The following ACACA variants were observed in gnomAD, a reference collection of about 807,000 sequenced individuals.
ACACA encodes the protein acetyl-CoA carboxylase alpha.
ACACA carries 103 observed loss-of-function variants against 296.1 expected under a neutral mutation model. The ratio of observed to expected loss-of-function variants is 0.35; its 90% CI spans 0.30 to 0.41. ACACA has a LOEUF of 0.41. ACACA is among the 10% of genes least tolerant of loss of function. The probability of loss-of-function intolerance (pLI) is 1.00; values close to 1 mark genes in which losing one functional copy is unlikely to be tolerated. For missense variants in ACACA, 1,554 were observed against 2,989.7 expected, an observed-to-expected ratio of 0.52 and a Z score of 11.20; for synonymous variants, 953 against 1,038.6, an observed-to-expected ratio of 0.92 and a Z score of 1.58.
intron 2 of ACACA, among the ~76,000 whole-genome samples, chr17:37,339,502 C>G (rs1029746048): frequency 6.6e-6 from 1 of 152,152 alleles, no homozygotes; most frequent in Non-Finnish European, 1.5e-5. Context: ...TTCCCAGGCA[C>G]GAGCCTACAA....
chr17:37,175,823 A>C (rs1302681166), intron 41 of ACACA, among the ~76,000 whole-genome samples: 1 of 152,176 alleles, frequency 6.6e-6, no homozygotes, highest in Non-Finnish European at 1.5e-5. Flanking sequence ...ACCTTTCATC[A>C]TGCATTAGGT....
chr17:37,361,267 G>A (rs1185593986), intron 1 of ACACA, among the ~76,000 whole-genome samples: 1 of 151,956 alleles, frequency 6.6e-6, no homozygotes, highest in Non-Finnish European at 1.5e-5. Context: ...TCGATCTCTT[G>A]ACCTCGTGAT....
intron 1 of ACACA, among the ~76,000 whole-genome samples, chr17:37,401,431 G>T (rs2051286310): frequency 6.6e-6 from 1 of 151,872 alleles, no homozygotes; most frequent in Admixed American, 6.6e-5. Flanking sequence ...GACCTCAGGT[G>T]ATCCACCCGC....
chr17:37,270,181 T>C (rs2082006280), intron 10 of ACACA, among the ~76,000 whole-genome samples: 1 of 152,190 alleles, frequency 6.6e-6, no homozygotes, highest in Non-Finnish European at 1.5e-5. Flanking sequence ...TGCCATAGGG[T>C]TCCTGTGCCA....
chr17:37,394,685 G>A (rs2051016760), intron 1 of ACACA, among the ~76,000 whole-genome samples: 1 of 149,320 alleles, frequency 6.7e-6, no homozygotes, highest in African/African-American at 2.5e-5. Flanking sequence ...GACCATCCTG[G>A]CTAACACGGC....
chr17:37,186,070 T>A (rs1307085292), intron 39 of ACACA, among the ~76,000 whole-genome samples: 1 of 152,216 alleles, frequency 6.6e-6, no homozygotes, highest in Non-Finnish European at 1.5e-5. Flanking sequence ...ATAAATGATG[T>A]GCTAGGGCAA....
In ACACA at chr17:37,391,910, C is replaced by T. The variant is rs528550128; in HGVS notation, c.38+14352G>A. On this transcript the variant is annotated intron_variant, in intron 1 of 55. Transcript: ENST00000616317. ...TACCCTCATGCCCCTATCTGAGCCACAACCTTCTGTAATTCACTTCATACA... is the reference window on the plus strand; with the variant it reads ...TACCCTCATGCCCCTATCTGAGCCATAACCTTCTGTAATTCACTTCATACA... 8.3e-6 allele frequency: 5 copies of T among 603,016 alleles called. No homozygotes were observed. The South Asian group carries it at 1.1e-4, about 13-fold the overall frequency. The allele number at this position is 603,016 out of a possible 1,614,324, so 37.4% of individuals were successfully genotyped here. A position where few individuals can be genotyped will look rare whatever the true frequency, so the allele number is the denominator to read the frequency against.
chr17:37,382,091 C>T (rs1179144468), intron 1 of ACACA, among the ~76,000 whole-genome samples: 2 of 151,924 alleles, frequency 1.3e-5, no homozygotes, highest in African/African-American at 4.8e-5. Flanking sequence ...TACTCAGTAT[C>T]TATATATATT....
chr17:37,202,916 T>C (rs927581880), intron 33 of ACACA, among the ~76,000 whole-genome samples: 1 of 151,684 alleles, frequency 6.6e-6, no homozygotes, highest in South Asian at 2.1e-4. Flanking sequence ...TAATTTCTTA[T>C]TTCTCATTAA....
chr17:37,154,921 T>A (rs1390082302), intron 43 of ACACA, among the ~76,000 whole-genome samples: 2 of 152,204 alleles, frequency 1.3e-5, no homozygotes, highest in African/African-American at 4.8e-5. Flanking sequence ...TAATTGATAA[T>A]AATCAATGTT....
At chr17:37,264,340 G>A (rs561344562) in intron 10 of ACACA, among the ~76,000 whole-genome samples, 3 of 152,214 alleles carry the variant, frequency 2.0e-5, no homozygotes, top group South Asian at 4.1e-4. Flanking sequence ...GAATATTACT[G>A]TTGGGGACAG....
intron 25 of ACACA, among the ~76,000 whole-genome samples, chr17:37,227,808 C>T (rs562177504): frequency 2.7e-5 from 4 of 145,844 alleles, no homozygotes; most frequent in African/African-American, 5.1e-5. Flanking sequence ...TGCAGTGAGC[C>T]GAGATCGTGC....
chr17:37,125,632 C>T, intron 48 of ACACA, 66 bp downstream of exon 48: 1 of 1,316,320 alleles, frequency 7.6e-7, no homozygotes, highest in Admixed American at 1.8e-5. Flanking sequence ...TCTATAGAGC[C>T]ATGGCTCTTT....
At chr17:37,117,018 A>G (rs1277164207) in intron 50 of ACACA, among the ~76,000 whole-genome samples, 1 of 152,222 alleles carries the variant, frequency 6.6e-6, no homozygotes, top group Non-Finnish European at 1.5e-5. Flanking sequence ...GCACATCTGC[A>G]TGAATGGTGA....
chr17:37,337,415 CAAAA>C (rs71159702), intron 2 of ACACA, among the ~76,000 whole-genome samples: 1 of 94,324 alleles, frequency 1.1e-5, no homozygotes. Context: ...GACCCTGTCT[CAAAA>C]AAAAAAAAAA....
In ACACA at chr17:37,087,346, G is replaced by A. The variant is rs1264749635; in HGVS notation, c.7122C>T (p.Ile2374=). ...TGGAAGGGGAATCCATTGTGGAGAG[G>A]ATCCGTATGACTTCTGCTCGCTGAG... ...SPTQRAEVIR[I]LSTMDSPST Residue 2374 remains isoleucine (I), a synonymous_variant, in exon 56 of 56, where the codon ATC becomes ATT. Coordinates refer to ENST00000616317, the MANE Select transcript of ACACA (RefSeq NM_198834.3). 7 of 1,614,052 alleles carry A rather than the reference G, an allele frequency of 4.3e-6. No homozygotes were observed. In the African/African-American group the frequency reaches 6.7e-5, roughly 15 times the overall value.
At chr17:37,151,829 T>G (rs1389649133) in intron 43 of ACACA, among the ~76,000 whole-genome samples, 8 of 151,684 alleles carry the variant, frequency 5.3e-5, no homozygotes, top group Admixed American at 5.3e-4. Context: ...GCCCGGCTAA[T>G]TTTTGTATTT....
chr17:37,188,537 T>A, intron 38 of ACACA, 57 bp from the exon 39 acceptor site: 3 of 1,563,734 alleles, frequency 1.9e-6, no homozygotes, highest in Non-Finnish European at 2.6e-6. Flanking sequence ...TAAGACCTGT[T>A]TCAGGTCTGC....
At chr17:37,243,714 G>A (rs527687598) in intron 21 of ACACA, among the ~76,000 whole-genome samples, 155 bp from the exon 22 acceptor site, 2 of 152,286 alleles carry the variant, frequency 1.3e-5, no homozygotes, top group South Asian at 4.2e-4. Context: ...CGGAACCCAT[G>A]TATAGAAATA....
Sources: gnomAD v4.1 joint callset for allele counts (sites outside exome capture counted in the v4.1 genomes callset) on GRCh38, gnomAD v4.1.1 for gene constraint, MANE v1.5 for transcripts, NCBI Gene and HGNC (gene_info 2026-07-23, HGNC 2026-07-21) for gene names.